Variants in FSTL1 observed in about 807,000 individuals in gnomAD.
FSTL1 encodes follistatin like 1.
In FSTL1, 24 loss-of-function variants were observed where a neutral mutation model predicts 45.9. The ratio of observed to expected loss-of-function variants is 0.52; its 90% CI spans 0.38 to 0.74. The LOEUF (loss-of-function observed/expected upper bound fraction) is 0.74. Ranked by LOEUF, FSTL1 falls within the 30% of genes least tolerant of loss-of-function variation. The probability of loss-of-function intolerance (pLI) is 0.00; values close to 1 mark genes in which losing one functional copy is unlikely to be tolerated. For synonymous variants in FSTL1, 120 were observed against 137.6 expected (o/e 0.87, Z 0.89); for missense variants, 340 against 381.8 (o/e 0.89, Z 0.91).
intron 2 of FSTL1, among the ~76,000 whole-genome samples, chr3:120,421,746 G>C (rs1157556265): frequency 6.6e-6 from 1 of 152,208 alleles, no homozygotes; most frequent in African/African-American, 2.4e-5. Flanking sequence ...AGGGGGCACT[G>C]CATGTGTGCA....
At chr3:120,436,895 C>T (rs1007872397) in intron 2 of FSTL1, among the ~76,000 whole-genome samples, 1 of 152,192 alleles carries the variant, frequency 6.6e-6, no homozygotes, top group African/African-American at 2.4e-5. Flanking sequence ...ACATCTGCCT[C>T]CATCCCAAAG....
At chr3:120,426,759 T>C (rs1937388768) in intron 2 of FSTL1, among the ~76,000 whole-genome samples, 1 of 152,236 alleles carries the variant, frequency 6.6e-6, no homozygotes, top group Non-Finnish European at 1.5e-5. Context: ...TACTGCCTTC[T>C]ACCTGGGCAC....
chr3:120,446,754 G>A (rs760097672), intron 2 of FSTL1, among the ~76,000 whole-genome samples: 3 of 152,160 alleles, frequency 2.0e-5, no homozygotes, highest in Non-Finnish European at 4.4e-5. Context: ...GTACAATGCC[G>A]ATAATAGGGT....
intron 2 of FSTL1, among the ~76,000 whole-genome samples, chr3:120,418,491 G>A (rs1559738979): frequency 6.6e-6 from 1 of 152,202 alleles, no homozygotes; most frequent in African/African-American, 2.4e-5. Context: ...TCACAGGTGA[G>A]AGAGCAGAGG....
At chr3:120,413,271 C>T (rs759081446) in intron 3 of FSTL1, among the ~76,000 whole-genome samples, 12 of 152,148 alleles carry the variant, frequency 7.9e-5, no homozygotes, top group Non-Finnish European at 2.9e-5. Context: ...GTTGAGGATA[C>T]CAAAAACACA....
intron 6 of FSTL1, among the ~76,000 whole-genome samples, chr3:120,406,883 TTAAA>T (rs1242284964): frequency 6.6e-6 from 1 of 152,220 alleles, no homozygotes; most frequent in African/African-American, 2.4e-5. Context: ...TTTGGAAAGT[TTAAA>T]TATGTATAAT....
chr3:120,395,851 G>A lies in FSTL1; in HGVS notation c.*1101C>T, dbSNP rs542001826. 43 of 402,562 alleles carry A rather than the reference G, an allele frequency of 1.1e-4. No homozygotes were observed. The highest frequency in any genetic ancestry group is 4.7e-4 in the Admixed American group (14 of 29,544). The allele number at this position is 402,562 out of a possible 1,614,324, so 24.9% of individuals were successfully genotyped here. A position where few individuals can be genotyped will look rare whatever the true frequency, so the allele number is the denominator to read the frequency against. ...GGCCAACTCACCCTCCTAGTTAGTCGAATGAGCATATTGGTAGGCTGGGAT... is the reference window on the plus strand; with the variant it reads ...GGCCAACTCACCCTCCTAGTTAGTCAAATGAGCATATTGGTAGGCTGGGAT... On this transcript the variant is annotated 3_prime_UTR_variant, in exon 11 of 11. Coordinates refer to ENST00000295633, the MANE Select transcript of FSTL1 (RefSeq NM_007085.5).
At chr3:120,438,575 A>AT (rs1937594756) in intron 2 of FSTL1, 2 of 152,352 alleles carry the variant, frequency 1.3e-5, no homozygotes, top group South Asian at 4.1e-4. Context: ...GTAAATCACC[A>AT]TAAGAGTTAA....
At chr3:120,403,951 CAAAACAAAACAAAAACA>C (rs1936889731) in intron 7 of FSTL1, among the ~76,000 whole-genome samples, 2 of 80,694 alleles carry the variant, frequency 2.5e-5, no homozygotes, top group African/African-American at 1.1e-4. Flanking sequence ...AAAACAAAAA[CAAAACAAAACAAAAACA>C]AAAACAAAAA....
At chr3:120,448,237 C>A (rs1937801862) in intron 2 of FSTL1, among the ~76,000 whole-genome samples, 4 of 152,180 alleles carry the variant, frequency 2.6e-5, no homozygotes, top group Admixed American at 6.5e-5. Flanking sequence ...AATATTTGTA[C>A]AATTTTAGCG....
chr3:120,441,754 C>A (rs1937630638), intron 2 of FSTL1, among the ~76,000 whole-genome samples: 1 of 152,338 alleles, frequency 6.6e-6, no homozygotes, highest in South Asian at 2.1e-4. Context: ...ACTAACACTG[C>A]ACACTGTGTG....
At chr3:120,435,228 A>T (rs1937530156) in intron 2 of FSTL1, among the ~76,000 whole-genome samples, 1 of 152,160 alleles carries the variant, frequency 6.6e-6, no homozygotes, top group Non-Finnish European at 1.5e-5. Context: ...CAAAACAAAA[A>T]CAAACAAACA....
At chr3:120,424,050 C>T (rs879547376) in intron 2 of FSTL1, 3 of 152,200 alleles carry the variant, frequency 2.0e-5, no homozygotes, top group Non-Finnish European at 4.4e-5. Context: ...ATGATTTAAA[C>T]CCATCAAAAT....
At chr3:120,405,090 C>A in intron 6 of FSTL1, 119 bp from the exon 7 acceptor site, 1 of 679,656 alleles carries the variant, frequency 1.5e-6, no homozygotes, top group South Asian at 1.7e-5. Flanking sequence ...CAACCCTGCC[C>A]TGACCTCAGA....
In FSTL1 at chr3:120,392,300, TGA is replaced by T. The variant is rs1366666479; in HGVS notation, c.*4650_*4651del. On this transcript the variant is annotated 3_prime_UTR_variant, in exon 11 of 11. Transcript: ENST00000295633. ...GAAAATGACAAGAACCAATTATTCA[TGA>T]GATGATATTTAATCTTACAAAAGGA... is the stretch of plus-strand genomic sequence containing the variant. The T allele has an allele frequency of 1.3e-5, 2 of 152,158 alleles. No individual in the cohort carries two copies. Among genetic ancestry groups the T allele is most frequent in the Non-Finnish European group, 2.9e-5 (2 of 68,022 alleles). The allele number at this position is 152,158 out of a possible 1,614,324, so 9.4% of individuals were successfully genotyped here.
chr3:120,398,563 C>A (rs929421025), intron 10 of FSTL1, among the ~76,000 whole-genome samples: 3 of 152,230 alleles, frequency 2.0e-5, no homozygotes, highest in Non-Finnish European at 4.4e-5. Context: ...TCCCAGAGAT[C>A]CCCAATAGGA....
Position 120,402,792 on chromosome 3 carries a change from T to C in FSTL1, c.805+16A>G, listed in dbSNP as rs777989598. 6.9e-7 allele frequency: 1 copy of C among 1,440,430 alleles called. No individual in the cohort carries two copies. The highest frequency in any genetic ancestry group is 1.1e-5 in the South Asian group (1 of 87,654). 89.2% of individuals were successfully genotyped at this position (1,440,430 alleles called of 1,614,324 possible). A position where few individuals can be genotyped will look rare whatever the true frequency, so the allele number is the denominator to read the frequency against. ...TCTCCTTGCTGTTTTTTCTTTCTGCTTGAAGCACAGCTCACCGTCACAGGT... is the reference window on the plus strand; with the variant it reads ...TCTCCTTGCTGTTTTTTCTTTCTGCCTGAAGCACAGCTCACCGTCACAGGT... On this transcript the variant is annotated intron_variant, in intron 9 of 10. Coordinates refer to ENST00000295633, the MANE Select transcript of FSTL1 (RefSeq NM_007085.5).
At chr3:120,410,183 T>C (rs771112936) in intron 5 of FSTL1, 1 of 160,862 alleles carries the variant, frequency 6.2e-6, no homozygotes, top group Non-Finnish European at 1.4e-5. Flanking sequence ...TGAAGGCCAG[T>C]GAGGGCTACG....
chr3:120,409,717 A>T, intron 5 of FSTL1, 55 bp from the exon 6 acceptor site: 1 of 1,582,818 alleles, frequency 6.3e-7, no homozygotes, highest in South Asian at 1.1e-5. Flanking sequence ...CCCCAGTGAT[A>T]TCTGGCACCC....
Sources: gnomAD v4.1 joint callset for allele counts (sites outside exome capture counted in the v4.1 genomes callset) on GRCh38, gnomAD v4.1.1 for gene constraint, MANE v1.5 for transcripts, NCBI Gene and HGNC (gene_info 2026-07-23, HGNC 2026-07-21) for gene names.